The following ABCB11 variants were observed in gnomAD, a reference collection of about 807,000 sequenced individuals.
ABCB11 encodes ATP binding cassette subfamily B member 11, also known as bile salt export pump.
A neutral mutation model predicts 148.0 loss-of-function variants in ABCB11; 95 were observed. The observed-to-expected ratio is 0.64, with a 90% CI of 0.54 to 0.76. The LOEUF is 0.76. Ranked by LOEUF, ABCB11 falls within the 30% of genes least tolerant of loss-of-function variation. The pLI is 0.00. For missense variants in ABCB11, 1,523 were observed against 1,617.8 expected (o/e 0.94, Z 1.01); for synonymous variants, 591 against 555.4 (o/e 1.06, Z -0.90).
chr2:168,940,613 T>C (rs2105905629), intron 21 of ABCB11, among the ~76,000 whole-genome samples: 1 of 152,216 alleles, frequency 6.6e-6, no homozygotes, highest in East Asian at 1.9e-4. Flanking sequence ...CCACAAGTTC[T>C]CCAGAAGATC....
Position 168,936,439 on chromosome 2 carries a change from A to C in ABCB11, c.2611-6T>G. On this transcript the variant is annotated splice_polypyrimidine_tract_variant and splice_region_variant and intron_variant, in intron 21 of 27. Transcript: ENST00000650372. ...CCGATCTGAGAGCCGGCAGCCTGCA[A>C]ACCAAAAAGCAATCAACCCGTCTCA... 1 of 1,613,866 alleles carries C rather than the reference A, an allele frequency of 6.2e-7. No individual in the cohort carries two copies. The highest frequency in any genetic ancestry group is 8.5e-7 in the Non-Finnish European group (1 of 1,179,870).
chr2:168,990,668 C>T (rs1694484149), intron 9 of ABCB11, 133 bp downstream of exon 9: 2 of 1,093,048 alleles, frequency 1.8e-6, no homozygotes, highest in Non-Finnish European at 2.7e-6. Flanking sequence ...CTCTGCTTAG[C>T]TCCCTCTTGA....
At chr2:169,002,810 C>T (rs1468457315) in intron 5 of ABCB11, among the ~76,000 whole-genome samples, 1 of 151,930 alleles carries the variant, frequency 6.6e-6, no homozygotes, top group Non-Finnish European at 1.5e-5. Flanking sequence ...TTAAAAAATA[C>T]AAAATTTCAA....
chr2:168,981,148 C>T (rs1694123415), intron 10 of ABCB11, among the ~76,000 whole-genome samples: 2 of 152,184 alleles, frequency 1.3e-5, no homozygotes, highest in Non-Finnish European at 1.5e-5. Context: ...GTCTCTCCTG[C>T]TTCTCTTTCT....
Position 169,024,358 on chromosome 2 carries a change from C to T in ABCB11, c.-27-6206G>A, listed in dbSNP as rs1230555713. Among the ~76,000 whole-genome samples, 4 of 152,104 alleles carry T rather than the reference C, an allele frequency of 2.6e-5. No homozygotes were observed. In the East Asian group the frequency reaches 5.8e-4, roughly 22 times the overall value. Reference sequence around the variant, plus strand: ...TCCTAAATAAAACAAAATCATTTTGCAGAAAATAAAACACTTCATGACAGA... The same window carrying T: ...TCCTAAATAAAACAAAATCATTTTGTAGAAAATAAAACACTTCATGACAGA... On this transcript the variant is annotated intron_variant, in intron 1 of 27. Coordinates refer to ENST00000650372, the MANE Select transcript of ABCB11 (RefSeq NM_003742.4).
At chr2:169,010,154 A>G (rs1207955326) in intron 5 of ABCB11, among the ~76,000 whole-genome samples, 4 of 152,226 alleles carry the variant, frequency 2.6e-5, no homozygotes, top group Non-Finnish European at 4.4e-5. Flanking sequence ...CCCATAGAAT[A>G]TGGCAGAAAT....
intron 2 of ABCB11, among the ~76,000 whole-genome samples, chr2:169,017,087 G>A (rs1364846972): frequency 7.6e-6 from 1 of 131,788 alleles, no homozygotes; most frequent in Non-Finnish European, 1.5e-5. Context: ...TTTTCTTCAG[G>A]ACATGAAATA....
intron 13 of ABCB11, among the ~76,000 whole-genome samples, chr2:168,972,488 A>G (rs1693627023): frequency 6.6e-6 from 1 of 152,094 alleles, no homozygotes; most frequent in Admixed American, 6.6e-5. Flanking sequence ...GATTCATCAA[A>G]TAACACTTTG....
chr2:168,973,811 T>C lies in ABCB11; in HGVS notation c.1338A>G (p.Lys446=), dbSNP rs1693701908. The change falls in exon 13 of 28, where the codon AAA becomes AAG. Residue 446 remains lysine, a synonymous_variant. Coordinates refer to ENST00000650372, the MANE Select transcript of ABCB11 (RefSeq NM_003742.4). ...KILNDLNMVI[K]PGEMTALVGP... ...CTACCAGAGCTGTCATTTCCCCTGGTTTAATGACCATGTTGAGGTCATTTA... is the reference window on the plus strand; with the variant it reads ...CTACCAGAGCTGTCATTTCCCCTGGCTTAATGACCATGTTGAGGTCATTTA... 1 of 1,611,998 alleles carries C rather than the reference T, an allele frequency of 6.2e-7. No individual in the cohort carries two copies. The highest frequency in any genetic ancestry group is 8.5e-7 in the Non-Finnish European group (1 of 1,178,610).
chr2:168,932,765 G>T (rs115155879), intron 23 of ABCB11, among the ~76,000 whole-genome samples: 5 of 152,126 alleles, frequency 3.3e-5, no homozygotes, highest in Non-Finnish European at 5.9e-5. Context: ...AAGCATGAAG[G>T]GGGGAGAGCT....
intron 26 of ABCB11, 26 bp downstream of exon 26, chr2:168,927,129 AG>A (rs763615746): frequency 6.3e-7 from 1 of 1,584,292 alleles, no homozygotes; most frequent in Non-Finnish European, 8.7e-7. Flanking sequence ...TGTCTCTCAT[AG>A]GGAATGGCTC....
At chr2:168,947,820 G>A (rs1411111782) in intron 19 of ABCB11, among the ~76,000 whole-genome samples, 1 of 151,694 alleles carries the variant, frequency 6.6e-6, no homozygotes, top group East Asian at 1.9e-4. Context: ...TGGTCCTGCA[G>A]CCCTTAAGTC....
chr2:168,969,685 A>G (rs1286531061), intron 15 of ABCB11, 134 bp from the exon 16 acceptor site: 7 of 822,528 alleles, frequency 8.5e-6, no homozygotes, highest in Non-Finnish European at 1.3e-5. Flanking sequence ...CTGTGCAGAC[A>G]TTAGAAAAGG....
At position 168,923,638 on chromosome 2, in the gene ABCB11, C is replaced by T. The variant is rs1424778805; in HGVS notation, c.3950G>A (p.Gly1317Glu). The change falls in exon 28 of 28, where the codon GGA (glycine) becomes GAA (glutamate). Residue 1317 changes from glycine to glutamate, a missense_variant. Gly to Glu is a moderately conservative substitution (Grantham distance 98). Transcript: ENST00000650372. ...TGCATTGGGTCAACTGATGGGGGAT[C>T]CAGTGGTGACTAGTTTGTAGTAGGC... is the stretch of plus-strand genomic sequence containing the variant. ...KGAYYKLVTT[G>E]SPIS The T allele has an allele frequency of 6.2e-7, 1 of 1,613,592 alleles. No individual in the cohort carries two copies. The highest frequency in any genetic ancestry group is 2.2e-5 in the East Asian group (1 of 44,866).
At chr2:168,967,692 G>C (rs1037869137) in intron 17 of ABCB11, among the ~76,000 whole-genome samples, 27 of 151,018 alleles carry the variant, frequency 1.8e-4, no homozygotes, top group Non-Finnish European at 3.7e-4. Context: ...TCTGACTTAA[G>C]AAAAAAAAAT....
At chr2:169,013,561 G>T (rs1695258502) in intron 4 of ABCB11, 51 bp from the exon 5 acceptor site, 9 of 1,443,940 alleles carry the variant, frequency 6.2e-6, no homozygotes, top group Non-Finnish European at 8.6e-6. Flanking sequence ...AGCAGGAGAG[G>T]TAGGAGGACT....
intron 19 of ABCB11, among the ~76,000 whole-genome samples, chr2:168,951,016 C>T (rs1433564542): frequency 2.0e-5 from 3 of 151,618 alleles, no homozygotes; most frequent in Non-Finnish European, 4.4e-5. Context: ...TTTCCAGCAC[C>T]TTTTATTGAG....
At chr2:168,964,080 T>C in intron 18 of ABCB11, 126 bp downstream of exon 18, 1 of 618,312 alleles carries the variant, frequency 1.6e-6, no homozygotes. Context: ...TGCTCTGTCT[T>C]TTAGTCTGAC....
At chr2:168,980,446 T>C (rs1177531940) in intron 10 of ABCB11, among the ~76,000 whole-genome samples, 1 of 152,228 alleles carries the variant, frequency 6.6e-6, no homozygotes, top group African/African-American at 2.4e-5. Context: ...GTTACCGCTA[T>C]ACTAATGCTA....
Sources: allele counts gnomAD v4.1 joint callset (sites outside exome capture counted in the v4.1 genomes callset), GRCh38; gene constraint gnomAD v4.1.1; transcripts MANE v1.5; gene names NCBI Gene and HGNC (gene_info 2026-07-23, HGNC 2026-07-21).